The following UROS variants were observed in gnomAD, a reference collection of about 807,000 sequenced individuals.
The protein encoded by UROS is uroporphyrinogen III synthase, also known as uroporphyrinogen-III synthase.
In UROS, 18 loss-of-function variants were observed where a neutral mutation model predicts 33.0. The ratio of observed to expected loss-of-function variants is 0.55; its 90% CI spans 0.38 to 0.81. UROS has a LOEUF of 0.81. Ranked by LOEUF, UROS falls within the 30% of genes least tolerant of loss-of-function variation. The pLI, the probability that UROS is intolerant of heterozygous loss-of-function variation, is 0.00. For missense variants in UROS, 293 were observed against 314.9 expected, an observed-to-expected ratio of 0.93 and a Z score of 0.53; for synonymous variants, 114 against 121.1, an observed-to-expected ratio of 0.94 and a Z score of 0.38.
chr10:125,799,269 TTA>T (rs1214996806), intron 6 of UROS, among the ~76,000 whole-genome samples: 1 of 152,224 alleles, frequency 6.6e-6, no homozygotes, highest in Non-Finnish European at 1.5e-5. Context: ...TGGGAGATTG[TTA>T]AATTCGTTAA....
intron 4 of UROS, among the ~76,000 whole-genome samples, chr10:125,814,280 A>C (rs1853095788): frequency 6.6e-6 from 1 of 152,172 alleles, no homozygotes; most frequent in South Asian, 2.1e-4. Flanking sequence ...CTCACTCCAA[A>C]GCCCTTGCAT....
intron 6 of UROS, among the ~76,000 whole-genome samples, chr10:125,806,005 T>C (rs572286910): frequency 6.6e-6 from 1 of 152,284 alleles, no homozygotes; most frequent in Admixed American, 6.5e-5. Context: ...GACGACTCTG[T>C]CAGGGGCCTA....
intron 5 of UROS, among the ~76,000 whole-genome samples, chr10:125,808,496 CA>C (rs1383316103): frequency 1.3e-5 from 2 of 152,132 alleles, no homozygotes; most frequent in East Asian, 1.9e-4. Flanking sequence ...GCATCAAAAA[CA>C]AAAGTAAACA....
intron 9 of UROS, 38 bp downstream of exon 9, chr10:125,794,837 AAAAAG>A: frequency 6.4e-7 from 1 of 1,562,016 alleles, no homozygotes; most frequent in Non-Finnish European, 8.8e-7. Flanking sequence ...TAAAAAAAAA[AAAAAG>A]AATCTGAAAA....
chr10:125,810,018 T>TC (rs1564795500), intron 5 of UROS, among the ~76,000 whole-genome samples: 1 of 152,210 alleles, frequency 6.6e-6, no homozygotes, highest in Non-Finnish European at 1.5e-5. Context: ...CATTTCTACT[T>TC]CAAGAAAAAT....
Position 125,788,709 on chromosome 10 carries a change from C to T in UROS, c.*159G>A, listed in dbSNP as rs1850707219. ...CGTGCACGTGGGCCTGAGGCCAGCC[C>T]CAGGTCAGGTCCCGATCCCCGGTCC... On this transcript the variant is annotated 3_prime_UTR_variant, in exon 10 of 10. Transcript: ENST00000368797. 7.0e-7 allele frequency: 1 copy of T among 1,436,392 alleles called. No individual in the cohort carries two copies. Among genetic ancestry groups the T allele is most frequent in the Non-Finnish European group, 9.1e-7 (1 of 1,099,404 alleles). 89.0% of individuals were successfully genotyped at this position (1,436,392 alleles called of 1,614,324 possible).
chr10:125,799,643 A>C (rs368483851), intron 6 of UROS, among the ~76,000 whole-genome samples: 2 of 152,164 alleles, frequency 1.3e-5, no homozygotes, highest in African/African-American at 4.8e-5. Flanking sequence ...CGGCTCCCTG[A>C]GGGCAGCTGC....
intron 6 of UROS, among the ~76,000 whole-genome samples, chr10:125,806,205 G>A (rs1447523766): frequency 6.6e-6 from 1 of 152,120 alleles, no homozygotes; most frequent in Non-Finnish European, 1.5e-5. Flanking sequence ...GTCAAGAAAG[G>A]CCAACATCAC....
At position 125,816,177 on chromosome 10, in the gene UROS, C is replaced by T; in HGVS notation, c.147G>A (p.Lys49=). The change falls in exon 3 of 10, where the codon AAG becomes AAA. Residue 49 remains lysine (K), a splice_region_variant and synonymous_variant. Coordinates refer to ENST00000368797, the MANE Select transcript of UROS (RefSeq NM_000375.3). The part of the protein sequence containing the change: ...EFLSLPSFSE[K]LSHPEDYGGL... ...GGTGCTCAGTCACAACAGGCCTTAC[C>T]TTCTCAGAGAAACTGGGAAGAGACA... 1 of 1,614,074 alleles carries T rather than the reference C, an allele frequency of 6.2e-7. No individual in the cohort carries two copies. Among genetic ancestry groups the T allele is most frequent in the Non-Finnish European group, 8.5e-7 (1 of 1,179,914 alleles).
intron 5 of UROS, among the ~76,000 whole-genome samples, chr10:125,810,677 A>G (rs1589986325): frequency 6.6e-6 from 1 of 152,204 alleles, no homozygotes; most frequent in Non-Finnish European, 1.5e-5. Flanking sequence ...TCAACTTCTG[A>G]TAACTCTCCA....
chr10:125,794,590 C>T (rs1851190758), intron 9 of UROS, among the ~76,000 whole-genome samples: 1 of 152,156 alleles, frequency 6.6e-6, no homozygotes, highest in South Asian at 2.1e-4. Flanking sequence ...GGACTTTACT[C>T]AAATTCCCTC....
At chr10:125,818,875 A>G (rs1853597292) in intron 1 of UROS, among the ~76,000 whole-genome samples, 1 of 152,228 alleles carries the variant, frequency 6.6e-6, no homozygotes, top group South Asian at 2.1e-4. Context: ...AGCATCTTTG[A>G]AACAGAAAGA....
chr10:125,785,603 G>T (rs1170452073), downstream of UROS: 3 of 152,206 alleles, frequency 2.0e-5, no homozygotes, highest in African/African-American at 7.2e-5. Flanking sequence ...AACTCATTAA[G>T]TGAGTGACCA....
chr10:125,785,736 G>T (rs912565787), downstream of UROS: 11 of 152,214 alleles, frequency 7.2e-5, no homozygotes, highest in African/African-American at 2.4e-4. Flanking sequence ...AGCCCCTCTG[G>T]GCCTGGGGGG....
intron 7 of UROS, among the ~76,000 whole-genome samples, chr10:125,797,714 G>T (rs1039259854): frequency 2.6e-5 from 4 of 152,288 alleles, no homozygotes; most frequent in African/African-American, 9.6e-5. Flanking sequence ...GGCTACATTT[G>T]TAGACTTTCT....
At chr10:125,792,368 G>A (rs987391584) in intron 9 of UROS, 2 of 152,090 alleles carry the variant, frequency 1.3e-5, no homozygotes, top group African/African-American at 2.4e-5. Flanking sequence ...CAGCATCAAC[G>A]TTCTTTCTCC....
At chr10:125,797,215 C>T (rs1442770290) in intron 7 of UROS, among the ~76,000 whole-genome samples, 1 of 152,168 alleles carries the variant, frequency 6.6e-6, no homozygotes, top group Admixed American at 6.5e-5. Flanking sequence ...TCACACTGCT[C>T]ATGTGGACTA....
At chr10:125,797,170 G>A (rs142182593) in intron 7 of UROS, among the ~76,000 whole-genome samples, 374 of 152,170 alleles carry the variant, frequency 2.5e-3, no homozygotes, top group Non-Finnish European at 4.7e-3. Flanking sequence ...ATTTTAATAC[G>A]GGGGGAAAGT....
At position 125,819,427 on chromosome 10, in the gene UROS, T is replaced by C. The variant is rs539556417; in HGVS notation, c.-26-2902A>G. 3.9e-5 allele frequency among the ~76,000 whole-genome samples: 6 copies of C among 152,300 alleles called. No individual in the cohort carries two copies. The East Asian group carries it at 9.6e-4, about 24-fold the overall frequency. ...CTACTGATTTGCCACTGGTAACATATTTGGTGCCACGTGACTCAGATGGTA... is the reference window on the plus strand; with the variant it reads ...CTACTGATTTGCCACTGGTAACATACTTGGTGCCACGTGACTCAGATGGTA... On this transcript the variant is annotated intron_variant, in intron 1 of 9. Transcript: ENST00000368797.
Sources: gnomAD v4.1 joint callset for allele counts (sites outside exome capture counted in the v4.1 genomes callset) on GRCh38, gnomAD v4.1.1 for gene constraint, MANE v1.5 for transcripts, NCBI Gene and HGNC (gene_info 2026-07-23, HGNC 2026-07-21) for gene names.